Variants in TBC1D5 observed in about 807,000 individuals in gnomAD.
TBC1D5 encodes TBC1 domain family member 5.
TBC1D5 carries 75 observed loss-of-function variants against 100.3 expected under a neutral mutation model. That is an observed-to-expected ratio of 0.75 (90% CI 0.62 to 0.91). The LOEUF is 0.91. Ranked by LOEUF, TBC1D5 falls within the 40% of genes least tolerant of loss-of-function variation. The pLI is 0.00. For synonymous variants in TBC1D5, 323 were observed against 325.6 expected (o/e 0.99, Z 0.09); for missense variants, 910 against 942.4 (o/e 0.97, Z 0.45).
At chr3:17,215,122 G>A (rs905470010) in intron 17 of TBC1D5, among the ~76,000 whole-genome samples, 6 of 152,098 alleles carry the variant, frequency 3.9e-5, no homozygotes, top group Admixed American at 3.3e-4. Context: ...TGTCACTAGA[G>A]GGTTTGAGGA....
intron 2 of TBC1D5, among the ~76,000 whole-genome samples, chr3:17,539,073 C>T (rs2153415334): frequency 6.6e-6 from 1 of 152,320 alleles, no homozygotes; most frequent in East Asian, 1.9e-4. Context: ...ATTCCAGCTA[C>T]TCAGGAGGCT....
intron 2 of TBC1D5, among the ~76,000 whole-genome samples, chr3:17,561,251 A>T (rs868520156): frequency 1.3e-5 from 2 of 152,238 alleles, no homozygotes; most frequent in Admixed American, 6.5e-5. Context: ...GTTAAAAGCT[A>T]ATTAAAGCAA....
At chr3:17,530,578 A>G (rs1036507181) in intron 2 of TBC1D5, among the ~76,000 whole-genome samples, 23 of 152,194 alleles carry the variant, frequency 1.5e-4, no homozygotes, top group Non-Finnish European at 8.8e-5. Context: ...AATGCCACAC[A>G]CTAGCCAAAG....
chr3:17,406,629 A>G (rs1383746060), intron 4 of TBC1D5, 103 bp from the exon 5 acceptor site: 8 of 945,242 alleles, frequency 8.5e-6, no homozygotes, highest in Non-Finnish European at 1.3e-5. Context: ...AAAAAATGCA[A>G]CTTTTAAAAC....
chr3:17,665,779 C>A (rs1015686549), intron 1 of TBC1D5, among the ~76,000 whole-genome samples: 12 of 152,190 alleles, frequency 7.9e-5, no homozygotes, highest in African/African-American at 2.9e-4. Context: ...CAATCCAAAT[C>A]TTTTTGAATC....
At chr3:17,287,377 C>A (rs2081283454) in intron 15 of TBC1D5, among the ~76,000 whole-genome samples, 1 of 152,186 alleles carries the variant, frequency 6.6e-6, no homozygotes, top group African/African-American at 2.4e-5. Context: ...TGCATATATA[C>A]AAGGTGCCGT....
intron 13 of TBC1D5, among the ~76,000 whole-genome samples, chr3:17,335,268 C>T (rs1051839077): frequency 3.9e-5 from 6 of 152,086 alleles, no homozygotes; most frequent in Admixed American, 6.6e-5. Flanking sequence ...AATCAAGTGG[C>T]TGTTACTTTG....
At chr3:17,545,813 C>A (rs1036972888) in intron 2 of TBC1D5, among the ~76,000 whole-genome samples, 1 of 152,188 alleles carries the variant, frequency 6.6e-6, no homozygotes, top group East Asian at 1.9e-4. Context: ...AACCTTCAAA[C>A]TGGTTTCTTT....
intron 13 of TBC1D5, 138 bp downstream of exon 13, chr3:17,371,937 T>G: frequency 8.5e-6 from 6 of 709,298 alleles, no homozygotes; most frequent in Non-Finnish European, 1.0e-5. Context: ...CTTGGGAAGC[T>G]GAGATGGGAG....
chr3:17,669,055 T>A (rs2067614961), intron 1 of TBC1D5, among the ~76,000 whole-genome samples: 1 of 152,220 alleles, frequency 6.6e-6, no homozygotes, highest in South Asian at 2.1e-4. Flanking sequence ...AATCCCCATG[T>A]GTCATGGGAG....
chr3:17,355,417 A>G (rs2091121561), intron 13 of TBC1D5, among the ~76,000 whole-genome samples: 1 of 152,176 alleles, frequency 6.6e-6, no homozygotes, highest in Non-Finnish European at 1.5e-5. Flanking sequence ...AATTCATTCA[A>G]GTATGTCACT....
At chr3:17,479,156 T>C (rs2150282750) in intron 3 of TBC1D5, among the ~76,000 whole-genome samples, 1 of 152,290 alleles carries the variant, frequency 6.6e-6, no homozygotes, top group Admixed American at 6.5e-5. Context: ...ATCCTAGCTT[T>C]TGGGGTGGCA....
At chr3:17,193,699 C>A (rs1482190183) in intron 18 of TBC1D5, among the ~76,000 whole-genome samples, 1 of 152,188 alleles carries the variant, frequency 6.6e-6, no homozygotes, top group African/African-American at 2.4e-5. Context: ...TGACTAATAA[C>A]TTCTTTTGTA....
At chr3:17,205,469 GA>G (rs925671059) in intron 18 of TBC1D5, among the ~76,000 whole-genome samples, 2 of 152,162 alleles carry the variant, frequency 1.3e-5, no homozygotes, top group African/African-American at 2.4e-5. Flanking sequence ...CCAGTTGCCT[GA>G]AAATCTACCA....
chr3:17,547,786 G>C (rs1394819805), intron 2 of TBC1D5, among the ~76,000 whole-genome samples: 4 of 152,156 alleles, frequency 2.6e-5, no homozygotes, highest in Non-Finnish European at 5.9e-5. Context: ...TTGATTTCAT[G>C]ATATAATTCT....
At chr3:17,658,114 T>A (rs2066266469) in intron 1 of TBC1D5, among the ~76,000 whole-genome samples, 1 of 152,218 alleles carries the variant, frequency 6.6e-6, no homozygotes, top group African/African-American at 2.4e-5. Flanking sequence ...AACCTAGGTA[T>A]GTGGCAGTCT....
At chr3:17,321,961 T>C (rs141456592) in intron 13 of TBC1D5, among the ~76,000 whole-genome samples, 164 of 152,334 alleles carry the variant, frequency 1.1e-3, no homozygotes, top group African/African-American at 3.4e-3. Flanking sequence ...TACTCTTACT[T>C]TACAGTGAGT....
intron 1 of TBC1D5, among the ~76,000 whole-genome samples, chr3:17,650,256 C>T (rs1291733878): frequency 6.6e-6 from 1 of 151,702 alleles, no homozygotes; most frequent in Non-Finnish European, 1.5e-5. Flanking sequence ...CAAACCTGCA[C>T]ATCCTGCACA....
At chr3:17,455,091 T>C (rs752511825) in intron 3 of TBC1D5, among the ~76,000 whole-genome samples, 14 of 149,624 alleles carry the variant, frequency 9.4e-5, no homozygotes, top group Non-Finnish European at 1.9e-4. Context: ...TAGAAAAAAC[T>C]GTCCTAAAAT....
Sources: gnomAD v4.1 joint callset for allele counts (sites outside exome capture counted in the v4.1 genomes callset) on GRCh38, gnomAD v4.1.1 for gene constraint, MANE v1.5 for transcripts, NCBI Gene and HGNC (gene_info 2026-07-23, HGNC 2026-07-21) for gene names.